EPHA6: variants seen among roughly 807,000 people sequenced by gnomAD.
EPHA6 encodes the protein EPH receptor A6, also known as ephrin type-A receptor 6.
Under a neutral mutation model 112.0 loss-of-function variants are expected in EPHA6, and 50 were observed. That is an observed-to-expected ratio of 0.45 (90% CI 0.36 to 0.56). EPHA6 has a LOEUF of 0.56. Among genes scored for constraint, EPHA6 ranks in the 20% least tolerant of loss-of-function variants. The pLI is 0.00. For missense variants in EPHA6, 1,280 were observed against 1,417.4 expected (o/e 0.90, Z 1.56); for synonymous variants, 529 against 490.7 (o/e 1.08, Z -1.03).
intron 3 of EPHA6, among the ~76,000 whole-genome samples, chr3:97,034,421 G>A (rs2045003592): frequency 1.3e-5 from 2 of 151,786 alleles, no homozygotes; most frequent in South Asian, 4.1e-4. Context: ...AATATTTTCA[G>A]TGTTATAGAC....
chr3:97,014,484 A>T (rs2044200677), intron 3 of EPHA6, among the ~76,000 whole-genome samples: 1 of 151,752 alleles, frequency 6.6e-6, no homozygotes, highest in Non-Finnish European at 1.5e-5. Context: ...GTTATGGCAT[A>T]AATATGCAAA....
chr3:97,745,405 C>T (rs2107895320), intron 16 of EPHA6: 1 of 451,680 alleles, frequency 2.2e-6, no homozygotes, highest in Non-Finnish European at 4.4e-6. Flanking sequence ...AAACAGCCCA[C>T]AATCAAAATA....
chr3:97,365,195 C>T (rs945630523), intron 5 of EPHA6, among the ~76,000 whole-genome samples: 1 of 152,018 alleles, frequency 6.6e-6, no homozygotes, highest in Non-Finnish European at 1.5e-5. Context: ...TCATTTAGAA[C>T]TTCTACAGTA....
At chr3:97,265,497 T>A (rs1293231896) in intron 5 of EPHA6, among the ~76,000 whole-genome samples, 9 of 152,162 alleles carry the variant, frequency 5.9e-5, no homozygotes, top group Non-Finnish European at 1.3e-4. Context: ...TGACAGCGCC[T>A]GGGCTCAGCC....
At chr3:97,734,476 GTGAA>G (rs1019001299) in intron 15 of EPHA6, among the ~76,000 whole-genome samples, 4 of 151,962 alleles carry the variant, frequency 2.6e-5, no homozygotes, top group African/African-American at 9.7e-5. Flanking sequence ...AAAATATAAA[GTGAA>G]TAGAAAAATG....
chr3:97,257,492 A>G (rs1365206612), intron 5 of EPHA6, among the ~76,000 whole-genome samples: 1 of 152,030 alleles, frequency 6.6e-6, no homozygotes. Flanking sequence ...ATGGTAGGCA[A>G]TGTTTTTCTC....
At chr3:97,490,830 G>T (rs1577559650) in intron 10 of EPHA6, among the ~76,000 whole-genome samples, 1 of 152,200 alleles carries the variant, frequency 6.6e-6, no homozygotes, top group African/African-American at 2.4e-5. Context: ...TGCTCACAAG[G>T]TTGCAGTCCT....
At chr3:97,110,664 A>G (rs2047694968) in intron 3 of EPHA6, among the ~76,000 whole-genome samples, 1 of 151,958 alleles carries the variant, frequency 6.6e-6, no homozygotes, top group Non-Finnish European at 1.5e-5. Flanking sequence ...AGCTGGGATT[A>G]CAAGCATGTG....
chr3:97,274,627 G>A (rs2080005699), intron 5 of EPHA6, among the ~76,000 whole-genome samples: 1 of 150,304 alleles, frequency 6.7e-6, no homozygotes. Flanking sequence ...AGGTAGTGGA[G>A]GGGGGCAGAG....
intron 1 of EPHA6, among the ~76,000 whole-genome samples, chr3:96,816,935 A>G (rs1311758033): frequency 6.6e-6 from 1 of 151,662 alleles, no homozygotes; most frequent in African/African-American, 2.4e-5. Flanking sequence ...CCTAGAATAT[A>G]TGCCAAACAT....
intron 13 of EPHA6, among the ~76,000 whole-genome samples, chr3:97,616,396 C>G (rs76247024): frequency 0.049 from 7,387 of 152,240 alleles, 638 homozygotes; most frequent in East Asian, 0.4. Context: ...CACATTACCT[C>G]TCCAGCAAGG....
At chr3:97,191,750 C>T (rs1355396689) in intron 3 of EPHA6, among the ~76,000 whole-genome samples, 1 of 152,108 alleles carries the variant, frequency 6.6e-6, no homozygotes, top group Non-Finnish European at 1.5e-5. Flanking sequence ...ACTTAGGTGG[C>T]TTCCAAATTG....
At chr3:97,072,634 G>C (rs1008546528) in intron 3 of EPHA6, among the ~76,000 whole-genome samples, 3 of 152,102 alleles carry the variant, frequency 2.0e-5, no homozygotes, top group Non-Finnish European at 4.4e-5. Context: ...TGAGAATCAT[G>C]AGTTAGATAA....
At chr3:97,262,956 A>G (rs1485371918) in intron 5 of EPHA6, among the ~76,000 whole-genome samples, 1 of 152,208 alleles carries the variant, frequency 6.6e-6, no homozygotes, top group African/African-American at 2.4e-5. Context: ...GTTTCATGAA[A>G]ATAATTTATT....
At chr3:97,315,395 C>A (rs896144521) in intron 5 of EPHA6, among the ~76,000 whole-genome samples, 1 of 151,684 alleles carries the variant, frequency 6.6e-6, no homozygotes, top group African/African-American at 2.4e-5. Context: ...CAATTATACA[C>A]TTAAATTTCT....
At chr3:97,730,415 T>TA (rs1437923927) in intron 15 of EPHA6, among the ~76,000 whole-genome samples, 4 of 152,142 alleles carry the variant, frequency 2.6e-5, no homozygotes, top group Non-Finnish European at 5.9e-5. Flanking sequence ...TAACTTTTCA[T>TA]AAAAATTATC....
intron 16 of EPHA6, among the ~76,000 whole-genome samples, chr3:97,743,973 A>G (rs1317783238): frequency 2.6e-5 from 4 of 152,008 alleles, no homozygotes; most frequent in African/African-American, 9.7e-5. Context: ...TGTGAACTCA[A>G]AGGGCTCATT....
At chr3:97,324,409 C>CTT (rs1299331243) in intron 5 of EPHA6, among the ~76,000 whole-genome samples, 3 of 98,180 alleles carry the variant, frequency 3.1e-5, no homozygotes, top group South Asian at 3.3e-4. Context: ...TCCTTCTTTT[C>CTT]TTTCTTTCTT....
chr3:97,047,300 A>G (rs2108072977), intron 3 of EPHA6, among the ~76,000 whole-genome samples: 1 of 152,122 alleles, frequency 6.6e-6, no homozygotes, highest in African/African-American at 2.4e-5. Context: ...GGAGATCAAG[A>G]CCATCCTGGC....
Sources: allele counts gnomAD v4.1 joint callset (sites outside exome capture counted in the v4.1 genomes callset), GRCh38; gene constraint gnomAD v4.1.1; transcripts MANE v1.5; gene names NCBI Gene and HGNC (gene_info 2026-07-23, HGNC 2026-07-21).